CC2D2A: variants seen among roughly 807,000 people sequenced by gnomAD.
CC2D2A encodes the protein coiled-coil and C2 domain-containing protein 2A.
In CC2D2A, 155 loss-of-function variants were observed where a neutral mutation model predicts 212.9. The ratio of observed to expected loss-of-function variants is 0.73; its 90% confidence interval spans 0.64 to 0.83. The LOEUF (loss-of-function observed/expected upper bound fraction) is 0.83, where lower values mean the gene tolerates loss of function less well. Ranked by LOEUF, CC2D2A falls within the 40% of genes least tolerant of loss-of-function variation. The probability of loss-of-function intolerance (pLI) is 0.00; values close to 1 mark genes in which losing one functional copy is unlikely to be tolerated. For missense variants in CC2D2A, 1,856 were observed against 1,956.2 expected (o/e 0.95, Z 0.97); for synonymous variants, 667 against 686.5 (o/e 0.97, Z 0.44).
chr4:15,585,130 A>G (rs1026673544), intron 30 of CC2D2A, among the ~76,000 whole-genome samples: 1 of 152,216 alleles, frequency 6.6e-6, no homozygotes, highest in African/African-American at 2.4e-5. Context: ...TGATCTGGCA[A>G]TCCCATTACT....
At chr4:15,529,373 C>T (rs1175416144) in intron 13 of CC2D2A, among the ~76,000 whole-genome samples, 1 of 150,768 alleles carries the variant, frequency 6.6e-6, no homozygotes, top group South Asian at 2.1e-4. Context: ...CAGAGTGAGA[C>T]CTTGACTCAA....
At chr4:15,551,413 T>C (rs1390151850) in intron 18 of CC2D2A, among the ~76,000 whole-genome samples, 1 of 152,224 alleles carries the variant, frequency 6.6e-6, no homozygotes, top group Non-Finnish European at 1.5e-5. Flanking sequence ...CGATTGGATA[T>C]ATGATGGATC....
At chr4:15,535,209 A>G (rs1163849122) in intron 14 of CC2D2A, among the ~76,000 whole-genome samples, 2 of 152,036 alleles carry the variant, frequency 1.3e-5, no homozygotes, top group Non-Finnish European at 2.9e-5. Flanking sequence ...GTGCTTTCGA[A>G]TTCCATCTCC....
At chr4:15,553,439 T>A in intron 19 of CC2D2A, 134 bp downstream of exon 19, 2 of 1,073,032 alleles carry the variant, frequency 1.9e-6, no homozygotes, top group Non-Finnish European at 2.6e-6. Context: ...AGTTTTTTAT[T>A]CTTAAGGTAA....
At chr4:15,546,072 T>C (rs1164279446) in intron 17 of CC2D2A, among the ~76,000 whole-genome samples, 1 of 151,800 alleles carries the variant, frequency 6.6e-6, no homozygotes, top group East Asian at 1.9e-4. Flanking sequence ...ATCACGCCAC[T>C]GCACTCCAGC....
chr4:15,561,978 G>A (rs1719625415), intron 23 of CC2D2A, among the ~76,000 whole-genome samples: 1 of 152,166 alleles, frequency 6.6e-6, no homozygotes, highest in African/African-American at 2.4e-5. Flanking sequence ...GAAATACAGG[G>A]TAAATATTAT....
At chr4:15,580,548 G>T (rs1001059919) in intron 30 of CC2D2A, among the ~76,000 whole-genome samples, 1 of 144,576 alleles carries the variant, frequency 6.9e-6, no homozygotes, top group Non-Finnish European at 1.5e-5. Flanking sequence ...TGAGGCCTAA[G>T]AATAGCTTGA....
At position 15,550,966 on chromosome 4, in the gene CC2D2A, A is replaced by T; in HGVS notation, c.2324A>T (p.Glu775Val). The change falls in exon 18 of 37, where the codon GAG becomes GTG. Residue 775 changes from glutamate to valine, a missense_variant. Glu to Val is a moderately radical substitution (Grantham distance 121, BLOSUM62 -2). This residue lies in a region of CC2D2A where 1,512 missense variants were observed against 1,579.3 expected (regional missense o/e 0.96). Transcript: ENST00000424120. ...AATCAGCATGTGACACTGGACCACG[A>T]GGGAGTTGGAAGTGGTATGGAAAGC... ...SSNQHVTLDH[E>V]GVGSGVPFSF... 2 of 1,596,294 alleles carry T rather than the reference A, an allele frequency of 1.3e-6. No individual in the cohort carries two copies. Among genetic ancestry groups the T allele is most frequent in the East Asian group, 4.5e-5 (2 of 44,650 alleles).
At chr4:15,565,808 C>T (rs1375003916) in intron 24 of CC2D2A, among the ~76,000 whole-genome samples, 1 of 152,062 alleles carries the variant, frequency 6.6e-6, no homozygotes, top group African/African-American at 2.4e-5. Flanking sequence ...GATGGGGTCT[C>T]ATTCTGTTGA....
intron 4 of CC2D2A, among the ~76,000 whole-genome samples, chr4:15,490,813 G>C (rs904963670): frequency 6.6e-6 from 1 of 152,036 alleles, no homozygotes; most frequent in Non-Finnish European, 1.5e-5. Context: ...GTTAAAGATC[G>C]ACCCCTGACC....
intron 35 of CC2D2A, among the ~76,000 whole-genome samples, chr4:15,598,016 C>CA (rs1721395983): frequency 6.6e-6 from 1 of 152,206 alleles, no homozygotes; most frequent in African/African-American, 2.4e-5. Context: ...ACTATTTCTA[C>CA]TGTATTAAGC....
At chr4:15,492,914 A>AT (rs1715389042) in intron 4 of CC2D2A, 1 of 546,690 alleles carries the variant, frequency 1.8e-6, no homozygotes. Context: ...GTAGCCCAGA[A>AT]TGCCCTTGAG....
At chr4:15,524,297 T>C (rs890495900) in intron 11 of CC2D2A, among the ~76,000 whole-genome samples, 1 of 151,756 alleles carries the variant, frequency 6.6e-6, no homozygotes, top group African/African-American at 2.4e-5. Context: ...CAAACCCGGC[T>C]AACTTTTGTA....
intron 30 of CC2D2A, among the ~76,000 whole-genome samples, chr4:15,583,561 A>G (rs1328914167): frequency 1.3e-5 from 2 of 152,232 alleles, no homozygotes; most frequent in African/African-American, 4.8e-5. Context: ...GCTTAAAAAA[A>G]TCAAGAAGCA....
chr4:15,573,928 A>G, intron 28 of CC2D2A, among the ~76,000 whole-genome samples: 2 of 152,222 alleles, frequency 1.3e-5, no homozygotes. Flanking sequence ...CAAATTGTAT[A>G]TTCAGTACAC....
At chr4:15,504,753 T>C (rs1248099575) in intron 6 of CC2D2A, among the ~76,000 whole-genome samples, 1 of 152,236 alleles carries the variant, frequency 6.6e-6, no homozygotes, top group African/African-American at 2.4e-5. Flanking sequence ...TCTTACAGTA[T>C]TGAGGCAAAC....
chr4:15,582,012 A>G (rs1190440840), intron 30 of CC2D2A, among the ~76,000 whole-genome samples: 1 of 152,172 alleles, frequency 6.6e-6, no homozygotes, highest in Non-Finnish European at 1.5e-5. Context: ...GGCCATAGTA[A>G]CTCCAGACAG....
rs918280115 is a variant in CC2D2A, at chr4:15,555,110, C to T, written c.2525C>T (p.Thr842Ile). 4 of 1,613,540 alleles carry T rather than the reference C, an allele frequency of 2.5e-6. No homozygotes were observed. Among genetic ancestry groups the T allele is most frequent in the Non-Finnish European group, 3.4e-6 (4 of 1,179,774 alleles). The change falls in exon 20 of 37, where the codon ACA (threonine) becomes ATA (isoleucine). Residue 842 changes from threonine to isoleucine, a missense_variant. Coordinates refer to ENST00000424120, the MANE Select transcript of CC2D2A (RefSeq NM_001378615.1). ...KKADAISSIG[T>I]SGLTDMKKLA... ...GCAGATGCCATCTCATCTATTGGCA[C>T]ATCAGGACTGACAGACATGAAAAAA... is the stretch of plus-strand genomic sequence containing the variant.
intron 23 of CC2D2A, 111 bp from the exon 24 acceptor site, chr4:15,563,244 G>T (rs1426752168): frequency 3.0e-6 from 3 of 1,006,642 alleles, no homozygotes; most frequent in Non-Finnish European, 4.3e-6. Context: ...AAAGGACAAG[G>T]AGTTTTTCAG....
Sources: gnomAD v4.1 joint callset for allele counts (sites outside exome capture counted in the v4.1 genomes callset) on GRCh38, gnomAD v4.1.1 for gene constraint, gnomAD v4.1.1 regional missense constraint, MANE v1.5 for transcripts, NCBI Gene and HGNC (gene_info 2026-07-23, HGNC 2026-07-21) for gene names.